Variants in SND1 observed in about 807,000 individuals in gnomAD.
The protein encoded by SND1 is staphylococcal nuclease domain-containing protein 1.
A neutral mutation model predicts 121.7 loss-of-function variants in SND1; 38 were observed. That is an observed-to-expected ratio of 0.31 (90% CI 0.24 to 0.41). The LOEUF (loss-of-function observed/expected upper bound fraction) is 0.41, where lower values mean the gene tolerates loss of function less well. Among genes scored for constraint, SND1 ranks in the 10% least tolerant of loss-of-function variants. The pLI is 1.00. For synonymous variants in SND1, 401 were observed against 447.4 expected, an observed-to-expected ratio of 0.90 and a Z score of 1.31; for missense variants, 868 against 1,184.6, an observed-to-expected ratio of 0.73 and a Z score of 3.92.
Position 128,029,558 on chromosome 7 carries a change from G to C in SND1, c.1779+38502G>C. On this transcript the variant is annotated intron_variant, in intron 16 of 23. Transcript: ENST00000354725. This position sits in a 1 kb window ranked among gnomAD's most constrained non-coding sequence, Gnocchi z 4.2. ...CCATCCGACCCTCAGAAATGTTGAG[G>C]TCTCGAGGTGCGTCCATGATGAAGG... The C allele has an allele frequency of 1.2e-6, 2 of 1,614,078 alleles. No individual in the cohort carries two copies. The highest frequency in any genetic ancestry group is 1.7e-6 in the Non-Finnish European group (2 of 1,180,034).
At chr7:127,684,713 T>C (rs1445155459) in intron 1 of SND1, among the ~76,000 whole-genome samples, 1 of 152,186 alleles carries the variant, frequency 6.6e-6, no homozygotes, top group African/African-American at 2.4e-5. Flanking sequence ...TAGGGTTTAA[T>C]TGCTGATAAC....
chr7:127,748,337 C>A (rs1050662473), intron 10 of SND1, among the ~76,000 whole-genome samples: 3 of 152,172 alleles, frequency 2.0e-5, no homozygotes, highest in African/African-American at 7.2e-5. Flanking sequence ...AAGGTACTGT[C>A]CTTTCAGAAC....
intron 10 of SND1, among the ~76,000 whole-genome samples, chr7:127,795,339 C>A (rs990610243): frequency 5.9e-5 from 9 of 152,186 alleles, no homozygotes; most frequent in Non-Finnish European, 1.3e-4. Context: ...TCCAATTTAA[C>A]CTCAAAATAT....
chr7:127,752,893 C>G (rs1216051225), intron 10 of SND1, among the ~76,000 whole-genome samples: 5 of 152,204 alleles, frequency 3.3e-5, no homozygotes, highest in Non-Finnish European at 5.9e-5. Context: ...TTTACTGACC[C>G]CTGGTATAAT....
intron 14 of SND1, among the ~76,000 whole-genome samples, chr7:127,911,106 C>T (rs750280737): frequency 3.3e-5 from 5 of 152,190 alleles, no homozygotes; most frequent in South Asian, 2.1e-4. Context: ...TGTTGTGTTT[C>T]GTAGCTCAAG....
At chr7:128,091,720 T>A in intron 22 of SND1, 117 bp from the exon 23 acceptor site, 4 of 1,030,994 alleles carry the variant, frequency 3.9e-6, no homozygotes, top group African/African-American at 1.6e-5. Context: ...TAAGGCTCCA[T>A]TGGACAGGCT....
intron 16 of SND1, 105 bp downstream of exon 16, chr7:127,991,161 C>G (rs984572781): frequency 4.2e-6 from 3 of 720,678 alleles, no homozygotes; most frequent in African/African-American, 3.5e-5. Flanking sequence ...CACTGCTCAG[C>G]CTTGCACATC....
intron 12 of SND1, chr7:127,858,423 C>T: frequency 2.2e-6 from 2 of 926,674 alleles, no homozygotes; most frequent in Non-Finnish European, 3.4e-6. Flanking sequence ...TGGGCACTCA[C>T]TGGGGTCTGG....
At chr7:127,870,605 T>G (rs979203620) in intron 12 of SND1, among the ~76,000 whole-genome samples, 1 of 152,186 alleles carries the variant, frequency 6.6e-6, no homozygotes, top group South Asian at 2.1e-4. Context: ...GGTAAGTATT[T>G]GTGTATGTAA....
At chr7:127,832,511 G>T (rs1320653088) in intron 11 of SND1, among the ~76,000 whole-genome samples, 1 of 152,226 alleles carries the variant, frequency 6.6e-6, no homozygotes, top group Non-Finnish European at 1.5e-5. Context: ...TGAAAATTCT[G>T]TAGATCTGCA....
At chr7:127,859,188 G>A (rs917921469) in intron 12 of SND1, among the ~76,000 whole-genome samples, 9 of 152,144 alleles carry the variant, frequency 5.9e-5, no homozygotes, top group African/African-American at 2.2e-4. Flanking sequence ...TGGATATGTA[G>A]GCTTGGTTTT....
At chr7:127,717,833 G>C (rs563336170) in intron 9 of SND1, among the ~76,000 whole-genome samples, 1 of 152,290 alleles carries the variant, frequency 6.6e-6, no homozygotes, top group South Asian at 2.1e-4. Flanking sequence ...CAAAAAGGAA[G>C]CTTTTTTGTT....
At chr7:127,736,433 G>A (rs1796777155) in intron 10 of SND1, among the ~76,000 whole-genome samples, 1 of 152,164 alleles carries the variant, frequency 6.6e-6, no homozygotes, top group Admixed American at 6.5e-5. Context: ...TGTTAATGTG[G>A]ACGTGTCATA....
At chr7:127,754,509 C>G (rs1797159288) in intron 10 of SND1, among the ~76,000 whole-genome samples, 1 of 152,204 alleles carries the variant, frequency 6.6e-6, no homozygotes, top group Non-Finnish European at 1.5e-5. Context: ...ACTTTGGGAT[C>G]CAGGTTGATA....
intron 10 of SND1, among the ~76,000 whole-genome samples, chr7:127,767,842 A>T (rs147899959): frequency 7.9e-4 from 121 of 152,336 alleles, no homozygotes; most frequent in Non-Finnish European, 2.2e-4. Flanking sequence ...GTAGAGCCAG[A>T]CATATATGGT....
At chr7:127,718,530 A>T in intron 9 of SND1, 2 of 983,612 alleles carry the variant, frequency 2.0e-6, no homozygotes, top group South Asian at 9.4e-5. Flanking sequence ...TTCACCAGCA[A>T]GCTAAACCTT....
chr7:127,904,762 C>G lies in SND1; in HGVS notation c.1470C>G (p.Gly490=). 1 of 1,609,928 alleles carries G rather than the reference C, an allele frequency of 6.2e-7. No homozygotes were observed. Among genetic ancestry groups the G allele is most frequent in the Non-Finnish European group, 8.5e-7 (1 of 1,176,344 alleles). ...LAAEARAIKN[G]KGLHSKKEVP... is the part of the protein sequence containing the mutation. ...TCCTTAACAGAGCTATTAAGAATGG[C>G]AAAGGATTGCATAGCAAGAAGGAAG... Residue 490 remains glycine (G), a synonymous_variant, in exon 14 of 24, where the codon GGC becomes GGG. Coordinates refer to ENST00000354725, the MANE Select transcript of SND1 (RefSeq NM_014390.4).
intron 16 of SND1, among the ~76,000 whole-genome samples, chr7:128,061,192 C>T (rs1793225264): frequency 1.3e-5 from 2 of 152,258 alleles, no homozygotes; most frequent in African/African-American, 4.8e-5. Flanking sequence ...GGAGAGAGAA[C>T]AATAATTGAA....
intron 13 of SND1, among the ~76,000 whole-genome samples, chr7:127,890,153 C>T (rs971786173): frequency 2.6e-5 from 4 of 152,060 alleles, no homozygotes; most frequent in Admixed American, 1.3e-4. Flanking sequence ...CAGCAGTGTA[C>T]GAGGGCTCCC....
Sources: gnomAD v4.1 joint callset for allele counts (sites outside exome capture counted in the v4.1 genomes callset) on GRCh38, gnomAD v4.1.1 for gene constraint, Gnocchi (gnomAD v3.1) non-coding constraint, MANE v1.5 for transcripts, NCBI Gene and HGNC (gene_info 2026-07-23, HGNC 2026-07-21) for gene names.